The following FLT3 variants were observed in gnomAD, a reference collection of about 807,000 sequenced individuals.
FLT3 encodes the protein fms related receptor tyrosine kinase 3.
In FLT3, 46 loss-of-function variants were observed where a neutral mutation model predicts 126.6. That is an observed-to-expected ratio of 0.36 (90% CI 0.29 to 0.46). The LOEUF (loss-of-function observed/expected upper bound fraction) is 0.46, where lower values mean the gene tolerates loss of function less well. Among genes scored for constraint, FLT3 ranks in the 20% least tolerant of loss-of-function variants. The pLI is 1.00. For missense variants in FLT3, 1,069 were observed against 1,190.3 expected, an observed-to-expected ratio of 0.90 and a Z score of 1.50; for synonymous variants, 404 against 434.4, an observed-to-expected ratio of 0.93 and a Z score of 0.87.
chr13:28,049,352 G>A (rs984534730), intron 8 of FLT3, 32 bp downstream of exon 8: 6 of 1,593,086 alleles, frequency 3.8e-6, no homozygotes, highest in Non-Finnish European at 5.1e-6. Flanking sequence ...ACTAAAAATA[G>A]GAATAAAGAT....
At chr13:28,082,888 A>T (rs1206681021) in intron 1 of FLT3, among the ~76,000 whole-genome samples, 1 of 151,674 alleles carries the variant, frequency 6.6e-6, no homozygotes, top group Non-Finnish European at 1.5e-5. Context: ...TTGTATTTTT[A>T]GTAGAGACGG....
chr13:28,069,781 C>T (rs774790742), intron 2 of FLT3, among the ~76,000 whole-genome samples: 20 of 152,020 alleles, frequency 1.3e-4, no homozygotes, highest in African/African-American at 2.2e-4. Context: ...GCATTTGCAT[C>T]GTATTAGGTA....
At chr13:28,057,761 C>T (rs1251438206) in intron 3 of FLT3, among the ~76,000 whole-genome samples, 2 of 152,088 alleles carry the variant, frequency 1.3e-5, no homozygotes, top group East Asian at 1.9e-4. Context: ...CACAGGAGGC[C>T]GGGTGCGGTG....
chr13:28,037,406 C>T (rs1873932319), intron 9 of FLT3, 118 bp from the exon 10 acceptor site: 8 of 677,150 alleles, frequency 1.2e-5, no homozygotes, highest in Non-Finnish European at 2.1e-5. Flanking sequence ...CTAAAGTTCA[C>T]TGGAAAAGGA....
chr13:28,091,963 G>A (rs1009626181), intron 1 of FLT3, among the ~76,000 whole-genome samples: 8 of 152,038 alleles, frequency 5.3e-5, no homozygotes, highest in African/African-American at 7.2e-5. Flanking sequence ...CCAGCTACTC[G>A]GGAGGCTGAG....
chr13:28,082,189 C>T (rs796915698), intron 1 of FLT3, among the ~76,000 whole-genome samples: 25 of 152,126 alleles, frequency 1.6e-4, no homozygotes, highest in African/African-American at 5.3e-4. Context: ...CTTGCTCTGT[C>T]GCCCAGGCTG....
At chr13:28,052,398 A>T in intron 5 of FLT3, 147 bp downstream of exon 5, 1 of 741,398 alleles carries the variant, frequency 1.3e-6, no homozygotes, top group Non-Finnish European at 2.2e-6. Context: ...ACCCGGCCCT[A>T]TACTGGCCAT....
chr13:28,053,983 G>A (rs1340637806), intron 4 of FLT3, among the ~76,000 whole-genome samples: 2 of 151,946 alleles, frequency 1.3e-5, no homozygotes, highest in African/African-American at 4.8e-5. Flanking sequence ...CAAAGTGCTT[G>A]GATTACAGGT....
At chr13:28,027,723 C>A (rs563098989) in intron 16 of FLT3, among the ~76,000 whole-genome samples, 1 of 152,306 alleles carries the variant, frequency 6.6e-6, no homozygotes, top group South Asian at 2.1e-4. Flanking sequence ...TATTTCTAGG[C>A]AGAAGAGAGA....
rs1307723939 is a variant in FLT3 at position 28,052,535 on chromosome 13, T to G, written c.614+10A>C. 1 of 1,605,676 alleles carries G rather than the reference T, an allele frequency of 6.2e-7. No individual in the cohort carries two copies. Among genetic ancestry groups the G allele is most frequent in the Non-Finnish European group, 8.5e-7 (1 of 1,176,304 alleles). On this transcript the variant is annotated intron_variant, in intron 5 of 23. Transcript: ENST00000241453. ...TTATGAGAATAGCAGCTACCATGGATGTGTCATACCTTTCCCCCTGTGAAT... is the reference window on the plus strand; with the variant it reads ...TTATGAGAATAGCAGCTACCATGGAGGTGTCATACCTTTCCCCCTGTGAAT...
At chr13:28,071,252 C>T (rs963302943) in intron 1 of FLT3, among the ~76,000 whole-genome samples, 1 of 151,662 alleles carries the variant, frequency 6.6e-6, no homozygotes, top group Admixed American at 6.6e-5. Context: ...TCAGGTGATC[C>T]ACCCGCCTCT....
At position 28,015,157 on chromosome 13, in the gene FLT3, A is replaced by G. The variant is rs1428096626; in HGVS notation, c.2753T>C (p.Ile918Thr). The change falls in exon 22 of 24, where the codon ATA (isoleucine) becomes ACA (threonine). Residue 918 changes from isoleucine (I) to threonine (T), a missense_variant and splice_region_variant. Ile to Thr is a moderately conservative substitution (Grantham distance 89). Coordinates refer to ENST00000241453, the MANE Select transcript of FLT3 (RefSeq NM_004119.3). ...AAATTACAGTCTGACTTGAACTTAC[A>G]TTTCTTCTGTAGCATAAAATGGCTG... ...MDQPFYATEE[I>T]YIIMQSCWAF... The G allele has an allele frequency of 1.3e-6, 2 of 1,567,666 alleles. No individual in the cohort carries two copies. The highest frequency in any genetic ancestry group is 1.1e-5 in the South Asian group (1 of 89,664).
chr13:28,084,699 G>A (rs2137815022), intron 1 of FLT3, among the ~76,000 whole-genome samples: 1 of 152,274 alleles, frequency 6.6e-6, no homozygotes, highest in South Asian at 2.1e-4. Flanking sequence ...TTTACAGCCG[G>A]GCGCAGTGGC....
intron 9 of FLT3, among the ~76,000 whole-genome samples, chr13:28,042,918 T>C (rs1241003479): frequency 2.0e-5 from 3 of 151,610 alleles, no homozygotes; most frequent in Non-Finnish European, 4.4e-5. Context: ...CTCCATAATC[T>C]TCTGCAATTG....
rs773923352 is a variant in FLT3, at chr13:28,023,399, C to G, written c.2369G>C (p.Cys790Ser). The change falls in exon 19 of 24, where the codon TGC becomes TCC. Residue 790 changes from cysteine to serine, a missense_variant. By Grantham distance (112) the Cys-to-Ser change is moderately radical. Coordinates refer to ENST00000241453, the MANE Select transcript of FLT3 (RefSeq NM_004119.3). ...LNVLTFEDLL[C>S]FAYQVAKGME... ...TCCTTTGGCAACTTGATATGCAAAG[C>G]AAAGAAGATCTTCAAATGTAAGCAC... is the stretch of plus-strand genomic sequence containing the variant. The G allele has an allele frequency of 1.2e-6, 2 of 1,613,868 alleles. No individual in the cohort carries two copies. The highest frequency in any genetic ancestry group is 1.7e-6 in the Non-Finnish European group (2 of 1,179,824).
At chr13:28,099,935 C>G (rs1879709089) in intron 1 of FLT3, among the ~76,000 whole-genome samples, 1 of 152,144 alleles carries the variant, frequency 6.6e-6, no homozygotes, top group South Asian at 2.1e-4. Flanking sequence ...TGGGGGGTAT[C>G]GTTATTGAGG....
At chr13:28,049,317 ATACT>A in intron 8 of FLT3, 63 bp downstream of exon 8, 1 of 1,377,422 alleles carries the variant, frequency 7.3e-7, no homozygotes. Flanking sequence ...TTTGTACCAC[ATACT>A]TCACATTCCA....
intron 1 of FLT3, among the ~76,000 whole-genome samples, chr13:28,071,737 G>T (rs536402388): frequency 1.4e-4 from 22 of 152,262 alleles, no homozygotes; most frequent in Non-Finnish European, 2.6e-4. Context: ...CTGCGAGCTG[G>T]TCTTGGCAAG....
intron 8 of FLT3, among the ~76,000 whole-genome samples, chr13:28,049,102 G>C (rs150537110): frequency 6.6e-6 from 1 of 152,284 alleles, no homozygotes; most frequent in African/African-American, 2.4e-5. Flanking sequence ...AGTTGTTCTT[G>C]TCCTTAAGAA....
Sources: gnomAD v4.1 joint callset for allele counts (sites outside exome capture counted in the v4.1 genomes callset) on GRCh38, gnomAD v4.1.1 for gene constraint, MANE v1.5 for transcripts, NCBI Gene and HGNC (gene_info 2026-07-23, HGNC 2026-07-21) for gene names.